Variants in POLK observed in about 807,000 individuals in gnomAD.
POLK encodes polymerase (DNA directed) kappa.
Under a neutral mutation model 94.0 loss-of-function variants are expected in POLK, and 76 were observed. The ratio of observed to expected loss-of-function variants is 0.81; its 90% CI spans 0.67 to 0.98. POLK has a LOEUF of 0.98. Among genes scored for constraint, POLK ranks in the 50% least tolerant of loss-of-function variants. The pLI is 0.00. For missense variants in POLK, 954 were observed against 1,010.1 expected, an observed-to-expected ratio of 0.94 and a Z score of 0.75; for synonymous variants, 349 against 325.4, an observed-to-expected ratio of 1.07 and a Z score of -0.78.
intron 5 of POLK, among the ~76,000 whole-genome samples, chr5:75,575,187 C>T (rs899215588): frequency 1.3e-5 from 2 of 152,104 alleles, no homozygotes; most frequent in African/African-American, 4.8e-5. Flanking sequence ...AAAAAGCCCT[C>T]CCGTTTTTTT....
intron 3 of POLK, among the ~76,000 whole-genome samples, chr5:75,555,459 AT>A (rs1770572350): frequency 6.6e-6 from 1 of 151,832 alleles, no homozygotes; most frequent in Non-Finnish European, 1.5e-5. Flanking sequence ...AAATGTATGC[AT>A]TTACATTTCC....
intron 1 of POLK, 50 bp from the exon 2 acceptor site, chr5:75,546,960 C>G: frequency 9.9e-7 from 1 of 1,009,488 alleles, no homozygotes; most frequent in Non-Finnish European, 1.4e-6. Context: ...AGCCACCACG[C>G]CTGGCCACAG....
intron 4 of POLK, among the ~76,000 whole-genome samples, chr5:75,573,152 G>T (rs1445606313): frequency 6.6e-6 from 1 of 152,026 alleles, no homozygotes; most frequent in Non-Finnish European, 1.5e-5. Flanking sequence ...AGAAAATGTG[G>T]CACATATACA....
At chr5:75,608,136 A>G in the POLK span, among the ~76,000 whole-genome samples, 1 of 152,308 alleles carries the variant, frequency 6.6e-6, no homozygotes, top group African/African-American at 2.4e-5. Flanking sequence ...TTATTTGACA[A>G]ATACTTATTG....
intron 1 of POLK, among the ~76,000 whole-genome samples, chr5:75,523,306 G>T (rs1027900589): frequency 2.0e-5 from 3 of 152,104 alleles, no homozygotes; most frequent in Admixed American, 2.0e-4. Context: ...CATTTTTCAG[G>T]TTTCCACATA....
the POLK span, among the ~76,000 whole-genome samples, chr5:75,607,349 T>C: frequency 6.6e-6 from 1 of 151,698 alleles, no homozygotes; most frequent in African/African-American, 2.4e-5. Context: ...ACACTTGTGA[T>C]CCCAGCTACT....
At chr5:75,587,780 G>T (rs1332094145) in intron 10 of POLK, among the ~76,000 whole-genome samples, 9 of 152,144 alleles carry the variant, frequency 5.9e-5, no homozygotes, top group Admixed American at 3.9e-4. Flanking sequence ...AATCAGCCCG[G>T]TGTGGTCGCT....
chr5:75,590,347 A>G (rs758334679), exon 11 of POLK: 2 of 1,568,354 alleles, frequency 1.3e-6, no homozygotes, highest in Middle Eastern at 1.7e-4. Flanking sequence ...TTTCTAGGAC[A>G]TTCAGTGAGA....
rs1036860126 is a variant in POLK at position 75,547,983 on chromosome 5, G to A, written c.135+826G>A. ...ACTCTGTCACCCAGGCCGGAGTCCA[G>A]TAGCACAATAATAGCTCGTTACAGC... is the stretch of plus-strand genomic sequence containing the variant. On this transcript the variant is annotated intron_variant, in intron 2 of 14. Coordinates refer to ENST00000241436, the Ensembl canonical transcript of POLK. 4.3e-4 allele frequency among the ~76,000 whole-genome samples: 66 copies of A among 152,298 alleles called. 1 individual carries two copies. Among genetic ancestry groups the A allele is most frequent in the African/African-American group, 1.4e-3 (59 of 41,570 alleles).
intron 1 of POLK, among the ~76,000 whole-genome samples, chr5:75,522,731 A>T (rs1768646879): frequency 6.6e-6 from 1 of 152,146 alleles, no homozygotes; most frequent in South Asian, 2.1e-4. Flanking sequence ...AAACCCTAGG[A>T]TGATGCAATA....
In POLK at chr5:75,597,801, T is replaced by C. The variant is rs756201702; in HGVS notation, c.2528+12T>C. ...ACAAGAACAAAAAGGTATGGCTAAT[T>C]TGAGCTTTAATAAAGCTGGCTACAA... On this transcript the variant is annotated intron_variant, in intron 14 of 14. Coordinates refer to ENST00000241436, the Ensembl canonical transcript of POLK. 4 of 1,484,910 alleles carry C rather than the reference T, an allele frequency of 2.7e-6. No homozygotes were observed. The highest frequency in any genetic ancestry group is 2.7e-6 in the Non-Finnish European group (3 of 1,104,628). 92.0% of individuals were successfully genotyped at this position (1,484,910 alleles called of 1,614,324 possible).
chr5:75,545,909 GAAT>G (rs1227574691), intron 1 of POLK, among the ~76,000 whole-genome samples: 1 of 152,116 alleles, frequency 6.6e-6, no homozygotes, highest in East Asian at 1.9e-4. Flanking sequence ...TTTGTATGGC[GAAT>G]AATATCTATC....
At chr5:75,527,773 C>T (rs1303051328) in intron 1 of POLK, among the ~76,000 whole-genome samples, 1 of 151,940 alleles carries the variant, frequency 6.6e-6, no homozygotes, top group African/African-American at 2.4e-5. Context: ...GTAAGAAGAC[C>T]ACTTGTTAAA....
chr5:75,575,534 G>A lies in POLK; in HGVS notation c.541-1246G>A, dbSNP rs5744648. Among the ~76,000 whole-genome samples the A allele has an allele frequency of 5.6e-3, 846 of 152,198 alleles. 6 individuals are homozygous for A. Among genetic ancestry groups the A allele is most frequent in the African/African-American group, 0.02 (817 of 41,532 alleles). ...GAGCTTTAAGTGCTTGATTTTTACT[G>A]GAACGTCTCTTTTAATTCTTACAGC... On this transcript the variant is annotated intron_variant, in intron 5 of 14. Coordinates refer to ENST00000241436, the Ensembl canonical transcript of POLK.
intron 4 of POLK, among the ~76,000 whole-genome samples, chr5:75,572,445 T>C (rs963606814): frequency 2.6e-5 from 4 of 152,122 alleles, no homozygotes; most frequent in African/African-American, 9.7e-5. Flanking sequence ...ATTCGAAAAG[T>C]TTACTATTAT....
chr5:75,535,597 A>G (rs1177024516), intron 1 of POLK, among the ~76,000 whole-genome samples: 1 of 151,920 alleles, frequency 6.6e-6, no homozygotes, highest in Non-Finnish European at 1.5e-5. Flanking sequence ...TGAGTCATAG[A>G]TTTGGTCTCT....
chr5:75,524,269 A>G (rs2112546794), intron 1 of POLK, among the ~76,000 whole-genome samples: 1 of 152,338 alleles, frequency 6.6e-6, no homozygotes, highest in East Asian at 1.9e-4. Flanking sequence ...GACAGTTCAC[A>G]GAATAGGTTT....
At chr5:75,577,272 C>T (rs1313460731) in intron 6 of POLK, among the ~76,000 whole-genome samples, 2 of 152,154 alleles carry the variant, frequency 1.3e-5, no homozygotes, top group East Asian at 1.9e-4. Flanking sequence ...CTGTTTAAAG[C>T]GGCCTTTTCT....
intron 12 of POLK, among the ~76,000 whole-genome samples, chr5:75,595,268 A>AAAAAAG: frequency 6.6e-6 from 1 of 150,462 alleles, no homozygotes; most frequent in African/African-American, 2.5e-5. Context: ...AAAAAAAAAA[A>AAAAAAG]AAAAAGCCCA....
Sources: gnomAD v4.1 joint callset for allele counts (sites outside exome capture counted in the v4.1 genomes callset) on GRCh38, gnomAD v4.1.1 for gene constraint, MANE v1.5 for transcripts, NCBI Gene and HGNC (gene_info 2026-07-23, HGNC 2026-07-21) for gene names.